ADGRB3: variants seen among roughly 807,000 people sequenced by gnomAD.
The protein encoded by ADGRB3 is adhesion G protein-coupled receptor B3, also known as brain-specific angiogenesis inhibitor 3.
A neutral mutation model predicts 193.4 loss-of-function variants in ADGRB3; 37 were observed. The ratio of observed to expected loss-of-function variants is 0.19; its 90% CI spans 0.15 to 0.25. The LOEUF is 0.25. Ranked by LOEUF, ADGRB3 falls within the 10% of genes least tolerant of loss-of-function variation. The probability of loss-of-function intolerance (pLI) is 1.00; values close to 1 mark genes in which losing one functional copy is unlikely to be tolerated. For missense variants in ADGRB3, 1,637 were observed against 1,852.9 expected, an observed-to-expected ratio of 0.88 and a Z score of 2.14; for synonymous variants, 690 against 644.2, an observed-to-expected ratio of 1.07 and a Z score of -1.08.
intron 17 of ADGRB3, among the ~76,000 whole-genome samples, chr6:69,117,086 G>A (rs1773555103): frequency 6.6e-6 from 1 of 152,226 alleles, no homozygotes. Flanking sequence ...AGGAAAAAAA[G>A]ATAGACAAAA....
chr6:69,091,204 G>C (rs535221920), intron 17 of ADGRB3, among the ~76,000 whole-genome samples: 4 of 152,110 alleles, frequency 2.6e-5, no homozygotes, highest in Non-Finnish European at 5.9e-5. Flanking sequence ...GTGTAAATTC[G>C]TTCAGCCATT....
At chr6:68,821,879 T>G (rs1767753732) in intron 3 of ADGRB3, among the ~76,000 whole-genome samples, 1 of 152,006 alleles carries the variant, frequency 6.6e-6, no homozygotes, top group South Asian at 2.1e-4. Context: ...AAATGTGTAT[T>G]ATACATAGTA....
chr6:68,859,420 C>G (rs566958623), intron 3 of ADGRB3, among the ~76,000 whole-genome samples: 7 of 152,302 alleles, frequency 4.6e-5, no homozygotes, highest in Non-Finnish European at 1.0e-4. Flanking sequence ...AGCAACACCC[C>G]ACTCCTGGTA....
chr6:69,292,950 G>C (rs1023837741), intron 20 of ADGRB3, among the ~76,000 whole-genome samples: 9 of 143,256 alleles, frequency 6.3e-5, no homozygotes, highest in African/African-American at 2.3e-4. Context: ...TCTATGCTTA[G>C]AGCAGCTGCA....
intron 3 of ADGRB3, among the ~76,000 whole-genome samples, chr6:68,865,094 G>T (rs1765258038): frequency 6.6e-6 from 1 of 152,006 alleles, no homozygotes; most frequent in African/African-American, 2.4e-5. Flanking sequence ...GCTTCCTCTT[G>T]TCCAGACATA....
At chr6:69,311,022 G>A (rs918427434) in intron 20 of ADGRB3, among the ~76,000 whole-genome samples, 5 of 151,668 alleles carry the variant, frequency 3.3e-5, no homozygotes, top group Non-Finnish European at 5.9e-5. Flanking sequence ...ACCTGGTAGG[G>A]TTCCAAACTT....
intron 17 of ADGRB3, among the ~76,000 whole-genome samples, chr6:69,082,262 T>G (rs1772409297): frequency 6.6e-6 from 1 of 152,050 alleles, no homozygotes; most frequent in Non-Finnish European, 1.5e-5. Flanking sequence ...ATATTGATTA[T>G]ACATCATATT....
chr6:68,887,224 C>T (rs1765935482), intron 3 of ADGRB3, among the ~76,000 whole-genome samples: 1 of 151,754 alleles, frequency 6.6e-6, no homozygotes, highest in Non-Finnish European at 1.5e-5. Context: ...CATTTTTTCT[C>T]CCCCCAACAG....
chr6:68,901,234 AT>A (rs1377050921), intron 3 of ADGRB3, among the ~76,000 whole-genome samples: 3 of 151,320 alleles, frequency 2.0e-5, no homozygotes, highest in African/African-American at 7.3e-5. Context: ...GACTCAGCTG[AT>A]GTTAGTGGGT....
intron 17 of ADGRB3, among the ~76,000 whole-genome samples, chr6:69,128,816 A>C (rs1400714562): frequency 6.6e-6 from 1 of 152,154 alleles, no homozygotes; most frequent in African/African-American, 2.4e-5. Flanking sequence ...TATAATTCCC[A>C]TGTTCCTTAT....
intron 3 of ADGRB3, among the ~76,000 whole-genome samples, chr6:68,764,762 G>T (rs1430682131): frequency 6.6e-6 from 1 of 151,680 alleles, no homozygotes; most frequent in African/African-American, 2.4e-5. Flanking sequence ...ATTGTGATTA[G>T]ATTTGAATTC....
chr6:68,877,993 A>G (rs1277378745), intron 3 of ADGRB3, among the ~76,000 whole-genome samples: 2 of 152,112 alleles, frequency 1.3e-5, no homozygotes, highest in Non-Finnish European at 2.9e-5. Context: ...AGAATCTATT[A>G]TGTTTAATGG....
chr6:69,347,590 A>T (rs2127324427), intron 26 of ADGRB3, among the ~76,000 whole-genome samples: 1 of 152,208 alleles, frequency 6.6e-6, no homozygotes, highest in African/African-American at 2.4e-5. Context: ...CAGCCTGGGC[A>T]ACACAGTGAG....
intron 17 of ADGRB3, among the ~76,000 whole-genome samples, chr6:69,149,115 T>G (rs1257204082): frequency 4.6e-5 from 7 of 152,156 alleles, no homozygotes; most frequent in Non-Finnish European, 8.8e-5. Flanking sequence ...ATTATCCTTT[T>G]GAATAAACTT....
In ADGRB3 at chr6:69,367,049, G is replaced by A. The variant is rs545803749; in HGVS notation, c.4240-5357G>A. ...AGGGAGAGATTTCTCTAGATAAGGT[G>A]GTCTGGGAAGCATCTGAAAGTGTCA... On this transcript the variant is annotated intron_variant, in intron 29 of 31. Coordinates refer to ENST00000370598, the MANE Select transcript of ADGRB3 (RefSeq NM_001704.3). 2.7e-4 allele frequency among the ~76,000 whole-genome samples: 41 copies of A among 152,210 alleles called. No individual in the cohort carries two copies. In the South Asian group the frequency reaches 8.5e-3, roughly 32 times the overall value.
At chr6:69,249,696 G>A (rs1766579825) in intron 20 of ADGRB3, among the ~76,000 whole-genome samples, 1 of 151,998 alleles carries the variant, frequency 6.6e-6, no homozygotes, top group Non-Finnish European at 1.5e-5. Flanking sequence ...TTGTTATTAT[G>A]TATATCAAAT....
chr6:69,127,049 AGT>A (rs1357537331), intron 17 of ADGRB3, among the ~76,000 whole-genome samples: 1 of 152,220 alleles, frequency 6.6e-6, no homozygotes, highest in East Asian at 1.9e-4. Context: ...TTTTGAGAAT[AGT>A]GTGTGGGAAG....
intron 3 of ADGRB3, among the ~76,000 whole-genome samples, chr6:68,807,394 T>G (rs1767426312): frequency 6.6e-6 from 1 of 151,634 alleles, no homozygotes. Flanking sequence ...GCCCCCCACC[T>G]TGCCCGGGTA....
At chr6:69,099,143 C>A (rs954201595) in intron 17 of ADGRB3, among the ~76,000 whole-genome samples, 1 of 152,194 alleles carries the variant, frequency 6.6e-6, no homozygotes, top group Admixed American at 6.5e-5. Flanking sequence ...ATGCCACTGA[C>A]ATTTAGTAGG....
Sources: allele counts gnomAD v4.1 joint callset (sites outside exome capture counted in the v4.1 genomes callset), GRCh38; gene constraint gnomAD v4.1.1; transcripts MANE v1.5; gene names NCBI Gene and HGNC (gene_info 2026-07-23, HGNC 2026-07-21).